PDGFD: variants seen among roughly 807,000 people sequenced by gnomAD.
The protein encoded by PDGFD is platelet-derived growth factor D.
PDGFD carries 30 observed loss-of-function variants against 44.7 expected under a neutral mutation model. The observed-to-expected ratio is 0.67, with a 90% CI of 0.50 to 0.91. The LOEUF is 0.91. PDGFD is among the 40% of genes least tolerant of loss of function. The pLI is 0.00. For synonymous variants in PDGFD, 173 were observed against 168.4 expected (o/e 1.03, Z -0.21); for missense variants, 445 against 457.8 (o/e 0.97, Z 0.25).
chr11:104,033,049 GGTGTGTGTGT>G (rs34144830), intron 1 of PDGFD, among the ~76,000 whole-genome samples: 8 of 146,270 alleles, frequency 5.5e-5, no homozygotes, highest in African/African-American at 1.0e-4. Flanking sequence ...TATGTTTAGG[GGTGTGTGTGT>G]GTGTGTGTGT....
intron 5 of PDGFD, among the ~76,000 whole-genome samples, chr11:103,942,478 G>A (rs758110338): frequency 6.6e-6 from 1 of 151,940 alleles, no homozygotes; most frequent in Non-Finnish European, 1.5e-5. Flanking sequence ...AACTCATGAT[G>A]TTCTCTCTGC....
intron 1 of PDGFD, among the ~76,000 whole-genome samples, chr11:104,157,819 G>A (rs192362678): frequency 2.7e-3 from 414 of 152,296 alleles, no homozygotes; most frequent in Non-Finnish European, 4.8e-3. Context: ...ACAAAAATAT[G>A]ATAAATATAT....
chr11:103,963,038 C>T lies in PDGFD; in HGVS notation c.511-15314G>A, dbSNP rs534303590. On this transcript the variant is annotated intron_variant, in intron 3 of 6. Coordinates refer to ENST00000393158, the MANE Select transcript of PDGFD (RefSeq NM_025208.5). ...TACCAATTACTTAATTTCTCTGTAC[C>T]TCAATATTCTTATCTGAAAATTGAA... 3.3e-5 allele frequency among the ~76,000 whole-genome samples: 5 copies of T among 152,176 alleles called. 1 individual carries two copies. In the South Asian group the frequency reaches 1.0e-3, roughly 32 times the overall value.
intron 3 of PDGFD, among the ~76,000 whole-genome samples, chr11:103,994,263 T>C (rs959525636): frequency 8.5e-5 from 13 of 152,194 alleles, no homozygotes; most frequent in African/African-American, 3.1e-4. Context: ...AGGCAAAAAA[T>C]AATTCTTCTC....
At chr11:104,001,280 T>C (rs166350) in intron 1 of PDGFD, among the ~76,000 whole-genome samples, 102,867 of 152,174 alleles carry the variant, frequency 0.68, 35,069 homozygotes, top group Admixed American at 0.76. Context: ...ATTGATGTAC[T>C]AGCAGGCTGA....
At chr11:104,031,774 G>C (rs1860130194) in intron 1 of PDGFD, among the ~76,000 whole-genome samples, 1 of 152,082 alleles carries the variant, frequency 6.6e-6, no homozygotes, top group African/African-American at 2.4e-5. Flanking sequence ...CTGGATAAAG[G>C]AAATGTGGTA....
intron 1 of PDGFD, among the ~76,000 whole-genome samples, chr11:104,153,136 C>T (rs540363021): frequency 1.3e-5 from 2 of 152,220 alleles, no homozygotes; most frequent in South Asian, 4.2e-4. Flanking sequence ...TACTTCCTAT[C>T]TTGTTCAACA....
intron 1 of PDGFD, among the ~76,000 whole-genome samples, chr11:104,047,979 G>C (rs1208170147): frequency 2.0e-5 from 3 of 152,084 alleles, no homozygotes; most frequent in African/African-American, 7.2e-5. Context: ...TGATGAAAAA[G>C]CCACTGACTA....
chr11:104,050,885 C>G (rs752677807), intron 1 of PDGFD, among the ~76,000 whole-genome samples: 6 of 152,192 alleles, frequency 3.9e-5, no homozygotes, highest in African/African-American at 7.2e-5. Flanking sequence ...GAAGCTAGCT[C>G]TTACACTGAT....
intron 1 of PDGFD, among the ~76,000 whole-genome samples, chr11:104,144,005 C>CAACTTT (rs1301358144): frequency 1.3e-5 from 2 of 152,074 alleles, no homozygotes; most frequent in Admixed American, 1.3e-4. Flanking sequence ...TCTTGGCTTC[C>CAACTTT]AACTTTATTT....
At chr11:104,076,589 T>C (rs1246904683) in intron 1 of PDGFD, among the ~76,000 whole-genome samples, 2 of 151,898 alleles carry the variant, frequency 1.3e-5, no homozygotes, top group Non-Finnish European at 2.9e-5. Context: ...CATACCTGAA[T>C]CTCCCAGGAA....
At chr11:103,919,502 C>CTTTTTT (rs71037206) in intron 6 of PDGFD, among the ~76,000 whole-genome samples, 53 of 88,756 alleles carry the variant, frequency 6.0e-4, no homozygotes, top group East Asian at 7.9e-4. Flanking sequence ...AAGATTCTTC[C>CTTTTTT]TTTTTTTTTT....
At chr11:104,004,074 T>C (rs1168977706) in intron 1 of PDGFD, among the ~76,000 whole-genome samples, 5 of 152,328 alleles carry the variant, frequency 3.3e-5, no homozygotes, top group African/African-American at 1.2e-4. Context: ...CTTTTAGAAC[T>C]TTTCTAAGTA....
At chr11:104,017,218 C>A (rs1434578650) in intron 1 of PDGFD, among the ~76,000 whole-genome samples, 1 of 152,172 alleles carries the variant, frequency 6.6e-6, no homozygotes, top group African/African-American at 2.4e-5. Context: ...AACTTCCCAG[C>A]CTGTAGAAAT....
Position 103,930,420 on chromosome 11 carries a change from G to C in PDGFD, c.773-3294C>G, listed in dbSNP as rs11226079. On this transcript the variant is annotated intron_variant, in intron 5 of 6. Coordinates refer to ENST00000393158, the MANE Select transcript of PDGFD (RefSeq NM_025208.5). The stretch of plus-strand genomic sequence containing the variant: ...GAAGGAGAGTCAACCTGTTCTTTTT[G>C]ATCCTGGCCATCTAGACTACTAAGT... Among the ~76,000 whole-genome samples the C allele has an allele frequency of 8.4e-3, 1,278 of 152,122 alleles. 19 individuals carry two copies. The highest frequency in any genetic ancestry group is 0.029 in the African/African-American group (1,189 of 41,480).
chr11:103,918,448 A>G (rs1419122272), intron 6 of PDGFD, among the ~76,000 whole-genome samples: 1 of 152,236 alleles, frequency 6.6e-6, no homozygotes, highest in Non-Finnish European at 1.5e-5. Flanking sequence ...GAAGACTGTT[A>G]TCAAGGCCTA....
At chr11:104,046,496 A>G (rs371455201) in intron 1 of PDGFD, among the ~76,000 whole-genome samples, 1 of 147,582 alleles carries the variant, frequency 6.8e-6, no homozygotes, top group Non-Finnish European at 1.5e-5. Context: ...AATAATTGAC[A>G]GAAAACAATT....
intron 6 of PDGFD, 90 bp downstream of exon 6, chr11:103,926,822 G>T: frequency 7.3e-7 from 1 of 1,366,494 alleles, no homozygotes; most frequent in South Asian, 1.4e-5. Flanking sequence ...CCCTTGTGCA[G>T]TGAACAACCT....
At chr11:103,935,727 T>G (rs896030658) in intron 5 of PDGFD, among the ~76,000 whole-genome samples, 9 of 152,180 alleles carry the variant, frequency 5.9e-5, no homozygotes, top group African/African-American at 2.2e-4. Flanking sequence ...TGTGCAGAGT[T>G]TTGCAAGCAA....
Sources: allele counts gnomAD v4.1 joint callset (sites outside exome capture counted in the v4.1 genomes callset), GRCh38; gene constraint gnomAD v4.1.1; transcripts MANE v1.5; gene names NCBI Gene and HGNC (gene_info 2026-07-23, HGNC 2026-07-21).